Variants in RBFOX1 observed in about 807,000 individuals in gnomAD.
RBFOX1 encodes the protein RNA binding protein fox-1 homolog 1.
In RBFOX1, 8 loss-of-function variants were observed where a neutral mutation model predicts 57.7. The observed-to-expected ratio is 0.14, with a 90% CI of 0.08 to 0.25. The LOEUF (loss-of-function observed/expected upper bound fraction) is 0.25, where lower values mean the gene tolerates loss of function less well. Ranked by LOEUF, RBFOX1 falls within the 10% of genes least tolerant of loss-of-function variation. The pLI is 1.00. For missense variants in RBFOX1, 611 were observed against 548.5 expected (o/e 1.11, Z -1.14); for synonymous variants, 326 against 222.4 (o/e 1.47, Z -4.15).
At chr16:7,281,482 TCC>T (rs1273066608) in intron 4 of RBFOX1, among the ~76,000 whole-genome samples, 1 of 152,052 alleles carries the variant, frequency 6.6e-6, no homozygotes, top group African/African-American at 2.4e-5. Context: ...TGTATATCTC[TCC>T]CAAGTTTGTA....
chr16:6,058,620 A>G (rs1438802985), intron 1 of RBFOX1, among the ~76,000 whole-genome samples: 1 of 150,984 alleles, frequency 6.6e-6, no homozygotes, highest in African/African-American at 2.4e-5. Context: ...CCATCCACCC[A>G]TCCATCTACC....
chr16:7,465,941 A>G (rs928493373), intron 4 of RBFOX1, among the ~76,000 whole-genome samples: 3 of 152,236 alleles, frequency 2.0e-5, no homozygotes, highest in African/African-American at 7.2e-5. Flanking sequence ...TGTTGCTTAA[A>G]AGAATGACAG....
chr16:7,263,594 G>A (rs1297072890), intron 4 of RBFOX1, among the ~76,000 whole-genome samples: 1 of 152,010 alleles, frequency 6.6e-6, no homozygotes, highest in Non-Finnish European at 1.5e-5. Context: ...TGAGCTAAAA[G>A]GGGTGATAAG....
intron 3 of RBFOX1, among the ~76,000 whole-genome samples, chr16:6,685,892 C>T (rs17140911): frequency 6.6e-6 from 1 of 152,164 alleles, no homozygotes; most frequent in African/African-American, 2.4e-5. Flanking sequence ...ACTTCATGTC[C>T]TCTTCCATCA....
intron 4 of RBFOX1, among the ~76,000 whole-genome samples, chr16:7,493,942 C>G (rs2067755185): frequency 6.6e-6 from 1 of 152,172 alleles, no homozygotes; most frequent in Non-Finnish European, 1.5e-5. Flanking sequence ...TTTGCATTCT[C>G]AAATAGAAAG....
intron 2 of RBFOX1, among the ~76,000 whole-genome samples, chr16:6,362,455 C>G (rs2088745470): frequency 6.6e-6 from 1 of 152,080 alleles, no homozygotes; most frequent in Non-Finnish European, 1.5e-5. Flanking sequence ...AGGCAAGGTG[C>G]TAAATTTGTC....
At position 7,460,389 on chromosome 16, in the gene RBFOX1, A is replaced by ATATATATATATATATATATATGTGTG; in HGVS notation, c.28-57757_28-57756insATATATATATATATATATATGTGTGT. Among the ~76,000 whole-genome samples the ATATATATATATATATATATATGTGTG allele has an allele frequency of 3.7e-3, 323 of 86,968 alleles. 1 individual carries two copies. The highest frequency in any genetic ancestry group is 6.2e-3 in the African/African-American group (95 of 15,308). 57.1% of individuals were successfully genotyped at this position (86,968 alleles called of 152,430 possible). A position where few individuals can be genotyped will look rare whatever the true frequency, so the allele number is the denominator to read the frequency against. The stretch of plus-strand genomic sequence containing the variant: ...TAGCAAAATATATATATATATATAT[A>ATATATATATATATATATATATGTGTG]TGTGTGTGTGTGTGTGTGTGTGTGT... On this transcript the variant is annotated intron_variant, in intron 4 of 15. Coordinates refer to ENST00000550418, the MANE Select transcript of RBFOX1 (RefSeq NM_018723.4).
chr16:7,600,429 G>T (rs1367292066), intron 9 of RBFOX1, among the ~76,000 whole-genome samples: 2 of 152,094 alleles, frequency 1.3e-5, no homozygotes, highest in African/African-American at 4.8e-5. Context: ...CCCTTAAGTG[G>T]CAATACAATA....
In RBFOX1 at chr16:7,059,558, C is replaced by T. The variant is rs147516821; in HGVS notation, c.27+7460C>T. Among the ~76,000 whole-genome samples, 475 of 152,160 alleles carry T rather than the reference C, an allele frequency of 3.1e-3. 13 individuals carry two copies. Among genetic ancestry groups the T allele is most frequent in the Admixed American group, 0.03 (459 of 15,276 alleles). ...TTGACAACCATTGGCAAAAAATGTTCAATGTGAAACTGATGAATATGAGAA... is the reference window on the plus strand; with the variant it reads ...TTGACAACCATTGGCAAAAAATGTTTAATGTGAAACTGATGAATATGAGAA... On this transcript the variant is annotated intron_variant, in intron 4 of 15. Coordinates refer to ENST00000550418, the MANE Select transcript of RBFOX1 (RefSeq NM_018723.4).
chr16:7,449,638 A>G (rs1382083184), intron 4 of RBFOX1, among the ~76,000 whole-genome samples: 1 of 147,926 alleles, frequency 6.8e-6, no homozygotes, highest in East Asian at 2.1e-4. Flanking sequence ...AGTGCCTGAA[A>G]CCATGGCTGT....
chr16:5,257,959 G>T lies in RBFOX1; in HGVS notation c.219+17854G>T, dbSNP rs2062631861. Among the ~76,000 whole-genome samples, 3 of 152,248 alleles carry T rather than the reference G, an allele frequency of 2.0e-5. No individual in the cohort carries two copies. The South Asian group carries it at 6.2e-4, about 32-fold the overall frequency. On this transcript the variant is annotated intron_variant, in intron 1 of 2. Coordinates refer to the RBFOX1 transcript ENST00000585867. ...AGTGGTGTGACCTTGGCTCACTGCA[G>T]CCTTGACCTTCTGGGCTCAGGTGAT...
At chr16:6,850,196 G>T (rs1185978878) in intron 3 of RBFOX1, among the ~76,000 whole-genome samples, 1 of 152,110 alleles carries the variant, frequency 6.6e-6, no homozygotes, top group African/African-American at 2.4e-5. Flanking sequence ...GAATTCAGTT[G>T]TTCCTCAAAT....
At chr16:5,372,314 C>T (rs1270834055) in intron 1 of RBFOX1, among the ~76,000 whole-genome samples, 3 of 152,138 alleles carry the variant, frequency 2.0e-5, no homozygotes, top group African/African-American at 7.2e-5. Context: ...CTCAGTGAAA[C>T]CCTCTTCAAT....
At chr16:5,814,393 A>G (rs2055544854) in intron 3 of RBFOX1, among the ~76,000 whole-genome samples, 1 of 152,158 alleles carries the variant, frequency 6.6e-6, no homozygotes, top group Admixed American at 6.5e-5. Context: ...AGCTTCACCA[A>G]CTTTTTCCCT....
chr16:5,502,803 G>C (rs2043245470), intron 2 of RBFOX1, among the ~76,000 whole-genome samples: 1 of 152,190 alleles, frequency 6.6e-6, no homozygotes, highest in African/African-American at 2.4e-5. Flanking sequence ...TCTCCCGTCA[G>C]TTCCAGACTC....
At chr16:6,742,095 G>A (rs973313320) in intron 3 of RBFOX1, among the ~76,000 whole-genome samples, 1 of 152,122 alleles carries the variant, frequency 6.6e-6, no homozygotes, top group African/African-American at 2.4e-5. Flanking sequence ...TGTTGTACGT[G>A]ATAAATATAT....
chr16:5,566,546 C>T (rs1047640529), intron 2 of RBFOX1, among the ~76,000 whole-genome samples: 1 of 151,646 alleles, frequency 6.6e-6, no homozygotes, highest in Admixed American at 6.6e-5. Flanking sequence ...TGCTCCATCT[C>T]CCAGAGATTT....
chr16:7,043,425 A>C (rs920760304), intron 3 of RBFOX1, among the ~76,000 whole-genome samples: 3 of 152,166 alleles, frequency 2.0e-5, no homozygotes, highest in African/African-American at 7.2e-5. Flanking sequence ...ACATATGTCA[A>C]ATGTGTATCA....
chr16:6,977,698 T>C (rs1190758578), intron 3 of RBFOX1, among the ~76,000 whole-genome samples: 3 of 152,106 alleles, frequency 2.0e-5, no homozygotes, highest in African/African-American at 4.8e-5. Context: ...TTGGTGAATA[T>C]TGATTGAAAT....
Sources: gnomAD v4.1 joint callset for allele counts (sites outside exome capture counted in the v4.1 genomes callset) on GRCh38, gnomAD v4.1.1 for gene constraint, MANE v1.5 for transcripts, NCBI Gene and HGNC (gene_info 2026-07-23, HGNC 2026-07-21) for gene names.